ZNF808: variants seen among roughly 807,000 people sequenced by gnomAD.
ZNF808 encodes zinc finger protein 808.
ZNF808 carries 5 observed loss-of-function variants against 8.7 expected under a neutral mutation model. The observed-to-expected ratio is 0.58, with a 90% CI of 0.30 to 1.21. ZNF808 has a LOEUF of 1.21. ZNF808 is among the 50% of genes most tolerant of loss of function. The pLI is 0.07. For synonymous variants in ZNF808, 380 were observed against 366.0 expected (o/e 1.04, Z -0.44); for missense variants, 1,103 against 1,098.4 (o/e 1.00, Z -0.06).
chr19:52,534,166 TAGAG>T (rs982622235), intron 2 of ZNF808, among the ~76,000 whole-genome samples: 3 of 152,186 alleles, frequency 2.0e-5, no homozygotes, highest in East Asian at 1.9e-4. Flanking sequence ...CTACTAAAAA[TAGAG>T]AGAAATTACA....
At position 52,532,720 on chromosome 19, in the gene ZNF808, T is replaced by C. The variant is rs117964974; in HGVS notation, c.-121-188T>C. On this transcript the variant is annotated intron_variant, in intron 1 of 4. Coordinates refer to ENST00000359798, the MANE Select transcript of ZNF808 (RefSeq NM_001039886.4). ...TGGAAATAGGCTTCCATAGAAATGA[T>C]TTGAAGTACACGTAAAGTATTTATT... Among the ~76,000 whole-genome samples, 1,178 of 137,766 alleles carry C rather than the reference T, an allele frequency of 8.6e-3. 8 individuals carry two copies. The highest frequency in any genetic ancestry group is 0.012 in the Non-Finnish European group (773 of 65,460). 90.4% of individuals were successfully genotyped at this position (137,766 alleles called of 152,430 possible).
At chr19:52,529,328 A>G (rs1042639636) in intron 1 of ZNF808, among the ~76,000 whole-genome samples, 22 of 152,094 alleles carry the variant, frequency 1.4e-4, no homozygotes, top group African/African-American at 5.3e-4. Context: ...GCTGCAGTGA[A>G]CTGAGATCAT....
downstream of ZNF808, among the ~76,000 whole-genome samples, chr19:52,567,231 C>T (rs973937232): frequency 6.6e-6 from 1 of 151,942 alleles, no homozygotes; most frequent in African/African-American, 2.4e-5. Flanking sequence ...GAATTACAGG[C>T]GGGAGCCAAT....
chr19:52,531,188 T>A (rs1308292112), intron 1 of ZNF808, among the ~76,000 whole-genome samples: 1 of 152,108 alleles, frequency 6.6e-6, no homozygotes, highest in East Asian at 1.9e-4. Context: ...TAAGCAGTAG[T>A]CCTGGCCATG....
chr19:52,539,269 C>T (rs969474065), intron 2 of ZNF808, among the ~76,000 whole-genome samples: 8 of 147,162 alleles, frequency 5.4e-5, no homozygotes, highest in African/African-American at 2.0e-4. Context: ...TCTTGACTCA[C>T]TGCAACCTCT....
chr19:52,537,181 T>C (rs1163081921), intron 2 of ZNF808, among the ~76,000 whole-genome samples: 2 of 104,676 alleles, frequency 1.9e-5, no homozygotes, highest in African/African-American at 5.2e-5. Flanking sequence ...AGTGAAACTC[T>C]TTCTCAAAAA....
downstream of ZNF808, among the ~76,000 whole-genome samples, chr19:52,560,807 A>G (rs2059853727): frequency 6.6e-6 from 1 of 152,108 alleles, no homozygotes; most frequent in Admixed American, 6.6e-5. Flanking sequence ...GTTCACTCCT[A>G]CGTGCCCATT....
At position 52,552,532 on chromosome 19, in the gene ZNF808, C is replaced by T. The variant is rs188663842; in HGVS notation, c.191-575C>T. ...TGTTGAAGTGATTCTTGTGCCTCAG[C>T]CTCCTAAGTAGCTGTGACTACAGGC... On this transcript the variant is annotated intron_variant, in intron 4 of 4. Coordinates refer to ENST00000359798, the MANE Select transcript of ZNF808 (RefSeq NM_001039886.4). Among the ~76,000 whole-genome samples the T allele has an allele frequency of 3.4e-4, 51 of 151,908 alleles. No homozygotes were observed. The East Asian group carries it at 8.5e-3, about 25-fold the overall frequency.
downstream of ZNF808, among the ~76,000 whole-genome samples, chr19:52,558,017 CTTTTTTTTTTT>C (rs66789100): frequency 8.8e-4 from 41 of 46,360 alleles, no homozygotes; most frequent in African/African-American, 2.8e-3. Flanking sequence ...CTAGGTGTGG[CTTTTTTTTTTT>C]TTTTTTTTTT....
intron 3 of ZNF808, among the ~76,000 whole-genome samples, chr19:52,545,387 T>C (rs1312627214): frequency 6.6e-6 from 1 of 152,214 alleles, no homozygotes; most frequent in Admixed American, 6.5e-5. Context: ...CCATGGTTTA[T>C]GTAGAAAACA....
chr19:52,538,628 C>CCAAAAAA (rs2059637315), intron 2 of ZNF808, among the ~76,000 whole-genome samples: 1 of 76,374 alleles, frequency 1.3e-5, no homozygotes, highest in East Asian at 6.5e-4. Context: ...AACTCTGTCT[C>CCAAAAAA]AAAAAAACCA....
At chr19:52,539,965 C>A (rs1044068508) in intron 2 of ZNF808, among the ~76,000 whole-genome samples, 22 of 152,234 alleles carry the variant, frequency 1.4e-4, no homozygotes, top group African/African-American at 5.1e-4. Flanking sequence ...CCACCTCAGC[C>A]TCCGGAGTAG....
chr19:52,534,562 A>G (rs375718297), intron 2 of ZNF808, among the ~76,000 whole-genome samples: 7 of 152,150 alleles, frequency 4.6e-5, no homozygotes, highest in Middle Eastern at 3.4e-3. Flanking sequence ...TTGTTTTTCA[A>G]TTATATTTTC....
At position 52,554,077 on chromosome 19, in the gene ZNF808, A is replaced by C. The variant is rs1388352449; in HGVS notation, c.1161A>C (p.Ala387=). 1 of 1,614,040 alleles carries C rather than the reference A, an allele frequency of 6.2e-7. No homozygotes were observed. The highest frequency in any genetic ancestry group is 8.5e-7 in the Non-Finnish European group (1 of 1,180,018). The change falls in exon 5 of 5, where the codon GCA becomes GCC. Residue 387 remains alanine (A), a synonymous_variant. Transcript: ENST00000359798. The part of the protein sequence containing the change: ...EKAFACHSYL[A]NHTRIHSGEK... ...CTTTTGCGTGTCATTCCTATCTGGC[A>C]AACCATACTAGAATTCATAGTGGAG... is the stretch of plus-strand genomic sequence containing the variant.
At chr19:52,566,570 T>C (rs2059873474), downstream of ZNF808, among the ~76,000 whole-genome samples, 2 of 152,178 alleles carry the variant, frequency 1.3e-5, no homozygotes, top group Admixed American at 6.6e-5. Flanking sequence ...CACAAAACTT[T>C]ATAATATTTC....
intron 2 of ZNF808, among the ~76,000 whole-genome samples, chr19:52,536,352 G>A (rs1309347650): frequency 6.6e-6 from 1 of 152,010 alleles, no homozygotes; most frequent in African/African-American, 2.4e-5. Context: ...CCCGACCCGC[G>A]AGGTGGATTC....
In ZNF808 at chr19:52,555,358, T is replaced by C; in HGVS notation, c.2442T>C (p.Thr814=). ...TGGCAAGACATATTAGAATTCACAC[T>C]GCAGAGAAACCTTACAAGTGTAATG... is the stretch of plus-strand genomic sequence containing the variant. The part of the protein sequence containing the change: ...SYLARHIRIH[T]AEKPYKCNEC... Residue 814 remains threonine (T), a synonymous_variant, in exon 5 of 5, where the codon ACT becomes ACC. Coordinates refer to ENST00000359798, the MANE Select transcript of ZNF808 (RefSeq NM_001039886.4). 2.5e-6 allele frequency: 4 copies of C among 1,614,222 alleles called. No individual in the cohort carries two copies. The highest frequency in any genetic ancestry group is 2.5e-6 in the Non-Finnish European group (3 of 1,180,036).
At chr19:52,539,012 C>A (rs92520) in intron 2 of ZNF808, among the ~76,000 whole-genome samples, 13 of 150,308 alleles carry the variant, frequency 8.6e-5, no homozygotes, top group African/African-American at 2.5e-4. Context: ...TTGACTCATT[C>A]GTTGTGGATC....
intron 2 of ZNF808, among the ~76,000 whole-genome samples, chr19:52,539,663 C>T (rs2059651497): frequency 7.0e-6 from 1 of 142,310 alleles, no homozygotes; most frequent in Non-Finnish European, 1.5e-5. Flanking sequence ...AAGTGATTCT[C>T]CTGCCTCAGC....
Sources: gnomAD v4.1 joint callset for allele counts (sites outside exome capture counted in the v4.1 genomes callset) on GRCh38, gnomAD v4.1.1 for gene constraint, MANE v1.5 for transcripts, NCBI Gene and HGNC (gene_info 2026-07-23, HGNC 2026-07-21) for gene names.